The following C3orf52 variants were observed in gnomAD, a reference collection of about 807,000 sequenced individuals.
C3orf52 encodes the protein TPA-induced transmembrane protein.
Under a neutral mutation model 24.8 loss-of-function variants are expected in C3orf52, and 22 were observed. That is an observed-to-expected ratio of 0.89 (90% CI 0.63 to 1.27). The LOEUF (loss-of-function observed/expected upper bound fraction) is 1.27. Ranked by LOEUF, C3orf52 falls within the 50% of genes most tolerant of loss-of-function variation. C3orf52 has a pLI of 0.00. For synonymous variants in C3orf52, 93 were observed against 100.2 expected, an observed-to-expected ratio of 0.93 and a Z score of 0.43; for missense variants, 265 against 260.7, an observed-to-expected ratio of 1.02 and a Z score of -0.11.
chr3:112,107,226 G>GGGGA (rs1559973990), intron 3 of C3orf52, among the ~76,000 whole-genome samples: 30 of 152,166 alleles, frequency 2.0e-4, no homozygotes, highest in African/African-American at 7.0e-4. Context: ...AGAAGGGAAG[G>GGGGA]AGGAAGCAGA....
downstream of C3orf52, chr3:112,121,605 C>T (rs2074201240): frequency 6.6e-6 from 1 of 152,218 alleles, no homozygotes; most frequent in Admixed American, 6.5e-5. Context: ...ACAATATCCA[C>T]TGCTAACTGA....
At chr3:112,108,427 G>T (rs184304140) in intron 3 of C3orf52, among the ~76,000 whole-genome samples, 69 of 152,336 alleles carry the variant, frequency 4.5e-4, no homozygotes, top group Middle Eastern at 6.8e-3. Context: ...ATTTTGTGAA[G>T]TTGGAGATGC....
intron 3 of C3orf52, among the ~76,000 whole-genome samples, chr3:112,106,362 G>T (rs1385730089): frequency 3.3e-5 from 5 of 152,050 alleles, no homozygotes; most frequent in Admixed American, 6.5e-5. Context: ...CGAGTAGCTG[G>T]GACTACACGC....
At chr3:112,134,775 T>C (rs909651115), downstream of C3orf52, 94 of 154,506 alleles carry the variant, frequency 6.1e-4, no homozygotes, top group African/African-American at 2.1e-3. Context: ...CTGTGTTATA[T>C]TACATCCACA....
chr3:112,098,081 A>G (rs760211994), intron 2 of C3orf52, among the ~76,000 whole-genome samples: 1 of 152,194 alleles, frequency 6.6e-6, no homozygotes, highest in Non-Finnish European at 1.5e-5. Flanking sequence ...TTGCTACTTC[A>G]TTTAGATATG....
At chr3:112,107,343 T>G (rs1479061879) in intron 3 of C3orf52, among the ~76,000 whole-genome samples, 1 of 152,162 alleles carries the variant, frequency 6.6e-6, no homozygotes, top group East Asian at 1.9e-4. Flanking sequence ...GATTCTCCTC[T>G]GCAGCATCCT....
chr3:112,134,975 G>A (rs1469863515), downstream of C3orf52: 1 of 154,942 alleles, frequency 6.5e-6, no homozygotes, highest in Non-Finnish European at 1.5e-5. Context: ...AGGTGGGGGA[G>A]GTGTTGACTT....
At chr3:112,088,037 AC>A (rs1267171828) in intron 1 of C3orf52, among the ~76,000 whole-genome samples, 1 of 152,192 alleles carries the variant, frequency 6.6e-6, no homozygotes, top group Admixed American at 6.5e-5. Flanking sequence ...ATTGTTTAGC[AC>A]CTACCCTGTA....
downstream of C3orf52, chr3:112,133,094 GT>G: frequency 6.2e-7 from 1 of 1,613,712 alleles, no homozygotes; most frequent in Non-Finnish European, 8.5e-7. Context: ...AGACTTACCT[GT>G]TTTCTCTCAG....
downstream of C3orf52, among the ~76,000 whole-genome samples, chr3:112,118,678 G>A (rs1418348913): frequency 1.3e-5 from 2 of 151,972 alleles, no homozygotes; most frequent in African/African-American, 2.4e-5. Context: ...GAAAAAAAAC[G>A]GCCCTTACAA....
At chr3:112,118,892 CAG>C (rs2074163640), downstream of C3orf52, among the ~76,000 whole-genome samples, 1 of 152,220 alleles carries the variant, frequency 6.6e-6, no homozygotes, top group Admixed American at 6.5e-5. Flanking sequence ...ACAAAAATTC[CAG>C]CCATGTGTCT....
At chr3:112,102,998 C>T (rs373724900) in intron 3 of C3orf52, 33 bp downstream of exon 3, 9 of 1,602,074 alleles carry the variant, frequency 5.6e-6, no homozygotes, top group Non-Finnish European at 7.7e-6. Flanking sequence ...CTAAGGAGTT[C>T]TTGACATTAG....
intron 2 of C3orf52, among the ~76,000 whole-genome samples, chr3:112,099,852 GCAC>G (rs1278388120): frequency 6.6e-6 from 1 of 152,150 alleles, no homozygotes; most frequent in African/African-American, 2.4e-5. Flanking sequence ...TTACTACAAG[GCAC>G]CATGCAGGAT....
At chr3:112,096,338 T>C (rs960420204) in intron 2 of C3orf52, among the ~76,000 whole-genome samples, 5 of 152,216 alleles carry the variant, frequency 3.3e-5, no homozygotes, top group Admixed American at 2.6e-4. Context: ...GGTGCATTCC[T>C]GCACCATTAC....
chr3:112,133,059 T>G (rs1250331069), downstream of C3orf52: 6 of 1,607,276 alleles, frequency 3.7e-6, no homozygotes, highest in Admixed American at 1.0e-4. Context: ...CTGTCCCATC[T>G]CCTCTGCTCT....
chr3:112,113,747 T>A lies in C3orf52; in HGVS notation c.649+602T>A, dbSNP rs558801245. ...GGAAATAGATATGTTCTTTAATAAA[T>A]GTAACAAACACCCCATTTATCAGAA... On this transcript the variant is annotated intron_variant, in intron 5 of 5. Coordinates refer to ENST00000264848, the MANE Select transcript of C3orf52 (RefSeq NM_024616.3). Among the ~76,000 whole-genome samples, 97 of 152,350 alleles carry A rather than the reference T, an allele frequency of 6.4e-4. 1 individual carries two copies. The highest frequency in any genetic ancestry group is 2.3e-3 in the African/African-American group (97 of 41,588).
intron 2 of C3orf52, among the ~76,000 whole-genome samples, chr3:112,102,193 C>A (rs2073978856): frequency 6.6e-6 from 1 of 152,114 alleles, no homozygotes; most frequent in South Asian, 2.1e-4. Flanking sequence ...ATTTTCTAGT[C>A]ACCTCTGTTG....
Position 112,113,146 on chromosome 3 carries a change from G to A in C3orf52, c.649+1G>A, listed in dbSNP as rs1409830524. 1.3e-6 allele frequency: 2 copies of A among 1,591,980 alleles called. No individual in the cohort carries two copies. Among genetic ancestry groups the A allele is most frequent in the African/African-American group, 2.7e-5 (2 of 74,178 alleles). On this transcript the variant is annotated splice_donor_variant, in intron 5 of 5. Transcript: ENST00000264848. LOFTEE classifies it high-confidence loss of function. ...GATCCAACATCCCTCTTGCTCTATG[G>A]TAAGTAGAGCAAGTAAAGAAGTCAG...
chr3:112,093,387 T>C lies in C3orf52; in HGVS notation c.166T>C (p.Cys56Arg), dbSNP rs1449064950. ...TAACAAGGAAAGCCCCTGGAGCTCC[T>C]GTAATAAGAATGTGGTTGGAAGATG... Reference protein sequence around the residue: ...EANKESPWSSCNKNVVGRCKL... With the variant: ...EANKESPWSSRNKNVVGRCKL... The change falls in exon 2 of 6, where the codon TGT (cysteine) becomes CGT (arginine). Residue 56 changes from cysteine (C) to arginine (R), a missense_variant. By Grantham distance (180) the Cys-to-Arg change is radical. Coordinates refer to ENST00000264848, the MANE Select transcript of C3orf52 (RefSeq NM_024616.3). The C allele has an allele frequency of 4.3e-6, 7 of 1,613,966 alleles. No homozygotes were observed. Among genetic ancestry groups the C allele is most frequent in the South Asian group, 1.1e-5 (1 of 91,072 alleles).
Sources: allele counts gnomAD v4.1 joint callset (sites outside exome capture counted in the v4.1 genomes callset), GRCh38; gene constraint gnomAD v4.1.1; transcripts MANE v1.5; gene names NCBI Gene and HGNC (gene_info 2026-07-23, HGNC 2026-07-21).